SEZ6L: variants seen among roughly 807,000 people sequenced by gnomAD.
SEZ6L encodes seizure 6-like protein.
A neutral mutation model predicts 106.2 loss-of-function variants in SEZ6L; 37 were observed. That is an observed-to-expected ratio of 0.35 (90% CI 0.27 to 0.46). The LOEUF is 0.46. Among genes scored for constraint, SEZ6L ranks in the 20% least tolerant of loss-of-function variants. SEZ6L has a pLI of 1.00. For synonymous variants in SEZ6L, 541 were observed against 570.4 expected, an observed-to-expected ratio of 0.95 and a Z score of 0.73; for missense variants, 1,172 against 1,332.8, an observed-to-expected ratio of 0.88 and a Z score of 1.88.
intron 1 of SEZ6L, among the ~76,000 whole-genome samples, chr22:26,268,331 T>C (rs907722183): frequency 2.0e-5 from 3 of 152,242 alleles, no homozygotes; most frequent in African/African-American, 7.2e-5. Context: ...TTTAAAGTGA[T>C]AAGAGGCATC....
Position 26,294,545 on chromosome 22 carries a change from C to A in SEZ6L, c.969+120C>A, listed in dbSNP as rs369163044. 4.0e-5 allele frequency: 38 copies of A among 951,856 alleles called. No individual in the cohort carries two copies. The East Asian group carries it at 7.8e-4, about 19-fold the overall frequency. 59.0% of individuals were successfully genotyped at this position (951,856 alleles called of 1,614,324 possible). On this transcript the variant is annotated intron_variant, in intron 3 of 16. Transcript: ENST00000248933. ...TTGGTTCTGTCTTTGCCCAACCAGG[C>A]CAACTTTAGCTGGGTTTTGGCGAAT... is the stretch of plus-strand genomic sequence containing the variant.
intron 12 of SEZ6L, among the ~76,000 whole-genome samples, chr22:26,364,392 C>A (rs1477449583): frequency 1.4e-5 from 2 of 147,656 alleles, no homozygotes; most frequent in Non-Finnish European, 3.0e-5. Flanking sequence ...TTGAGACCAG[C>A]TTGGGATGCA....
chr22:26,191,976 CTCCATCCATCCATCCATCCA>C (rs55983247), intron 1 of SEZ6L, among the ~76,000 whole-genome samples: 11 of 150,086 alleles, frequency 7.3e-5, no homozygotes, highest in South Asian at 2.2e-4. Context: ...AAGCAAGTCA[CTCCATCCATCCATCCATCCA>C]TCCATCCATC....
chr22:26,208,901 T>TGA (rs1941453986), intron 1 of SEZ6L, among the ~76,000 whole-genome samples: 2 of 130,388 alleles, frequency 1.5e-5, no homozygotes, highest in Non-Finnish European at 3.3e-5. Context: ...TGTGTGTGTG[T>TGA]GTGTAATGTT....
intron 1 of SEZ6L, among the ~76,000 whole-genome samples, chr22:26,192,486 CT>C (rs1425879375): frequency 6.6e-6 from 1 of 152,170 alleles, no homozygotes; most frequent in Non-Finnish European, 1.5e-5. Context: ...CTCAGGAATT[CT>C]TGTGAAATGA....
chr22:26,373,721 C>A (rs1299978673), intron 14 of SEZ6L, among the ~76,000 whole-genome samples: 1 of 152,074 alleles, frequency 6.6e-6, no homozygotes, highest in Non-Finnish European at 1.5e-5. Flanking sequence ...ATGGTAACAG[C>A]AATGAGATAA....
intron 9 of SEZ6L, among the ~76,000 whole-genome samples, chr22:26,326,594 G>T (rs545116856): frequency 2.5e-4 from 38 of 152,282 alleles, no homozygotes; most frequent in African/African-American, 9.1e-4. Flanking sequence ...TCCTCCGAGG[G>T]GTGAAATGGC....
chr22:26,195,293 A>G (rs926469991), intron 1 of SEZ6L, among the ~76,000 whole-genome samples: 10 of 152,224 alleles, frequency 6.6e-5, no homozygotes, highest in Admixed American at 5.9e-4. Flanking sequence ...TCAGAGTATT[A>G]GGAATTATAT....
At chr22:26,372,825 A>G (rs2084084414) in intron 13 of SEZ6L, among the ~76,000 whole-genome samples, 1 of 152,236 alleles carries the variant, frequency 6.6e-6, no homozygotes, top group African/African-American at 2.4e-5. Context: ...ATCAATATAA[A>G]AGGAATAAAA....
intron 1 of SEZ6L, among the ~76,000 whole-genome samples, chr22:26,202,560 G>A (rs1941029615): frequency 6.6e-6 from 1 of 152,214 alleles, no homozygotes; most frequent in South Asian, 2.1e-4. Context: ...GTCAGGCACA[G>A]AATCCTAAGC....
At chr22:26,350,525 C>T (rs943487024) in intron 11 of SEZ6L, among the ~76,000 whole-genome samples, 10 of 152,048 alleles carry the variant, frequency 6.6e-5, no homozygotes, top group Non-Finnish European at 1.5e-4. Context: ...AGCTACCGTG[C>T]CCCACCTCTT....
intron 6 of SEZ6L, among the ~76,000 whole-genome samples, chr22:26,309,644 TC>T (rs1467442812): frequency 6.6e-6 from 1 of 152,154 alleles, no homozygotes; most frequent in African/African-American, 2.4e-5. Context: ...AGTGGCTCGA[TC>T]TCGGCTCACT....
intron 1 of SEZ6L, among the ~76,000 whole-genome samples, chr22:26,282,323 T>C (rs2080798003): frequency 1.3e-5 from 2 of 152,238 alleles, no homozygotes; most frequent in Non-Finnish European, 2.9e-5. Flanking sequence ...TGCTTTGTAT[T>C]GTGAACACTT....
In SEZ6L at chr22:26,379,821, G is replaced by A. The variant is rs180842681; in HGVS notation, c.3046-445G>A. On this transcript the variant is annotated intron_variant, in intron 16 of 16. Coordinates refer to ENST00000248933, the MANE Select transcript of SEZ6L (RefSeq NM_021115.5). ...AGTGTATCAGTGACCTAGAACTATAGTAATGCTGAGTAACAAAGATCTCTG... is the reference window on the plus strand; with the variant it reads ...AGTGTATCAGTGACCTAGAACTATAATAATGCTGAGTAACAAAGATCTCTG... 2.0e-5 allele frequency among the ~76,000 whole-genome samples: 3 copies of A among 152,384 alleles called. No individual in the cohort carries two copies. In the East Asian group the frequency reaches 5.8e-4, roughly 29 times the overall value.
intron 10 of SEZ6L, 88 bp from the exon 11 acceptor site, chr22:26,347,631 T>G (rs1403213811): frequency 8.9e-7 from 1 of 1,124,132 alleles, no homozygotes; most frequent in Non-Finnish European, 1.2e-6. Flanking sequence ...CTTTTTTTTC[T>G]CTTCGCTCAT....
rs117819959 is a variant in SEZ6L at position 26,375,824 on chromosome 22, A to T, written c.2942+135A>T. 2,001 of 633,180 alleles carry T rather than the reference A, an allele frequency of 3.2e-3. 35 individuals are homozygous for T. In the East Asian group the frequency reaches 0.041, roughly 13 times the overall value. 39.2% of individuals were successfully genotyped at this position (633,180 alleles called of 1,614,324 possible). A position where few individuals can be genotyped will look rare whatever the true frequency, so the allele number is the denominator to read the frequency against. ...TAGTGGCATTTGTGTTATTGCAGAGATGCCCAGATTCAGCCCAACTCTGTG... is the reference window on the plus strand; with the variant it reads ...TAGTGGCATTTGTGTTATTGCAGAGTTGCCCAGATTCAGCCCAACTCTGTG... On this transcript the variant is annotated intron_variant, in intron 15 of 16. Coordinates refer to ENST00000248933, the MANE Select transcript of SEZ6L (RefSeq NM_021115.5).
chr22:26,341,699 A>C (rs1468001490), intron 10 of SEZ6L, among the ~76,000 whole-genome samples: 2 of 152,054 alleles, frequency 1.3e-5, no homozygotes, highest in Non-Finnish European at 2.9e-5. Context: ...ACCCAACAGC[A>C]TCCCCTGCTA....
chr22:26,262,280 C>CTATCTATT (rs895628389), intron 1 of SEZ6L, among the ~76,000 whole-genome samples: 1 of 150,738 alleles, frequency 6.6e-6, no homozygotes, highest in Non-Finnish European at 1.5e-5. Flanking sequence ...ATCTATCTAT[C>CTATCTATT]TATCTCTTTT....
chr22:26,347,652 G>T, intron 10 of SEZ6L, 67 bp from the exon 11 acceptor site: 1 of 1,367,448 alleles, frequency 7.3e-7, no homozygotes. Context: ...CCCTCTAGCC[G>T]TCATAAAAGG....
Sources: gnomAD v4.1 joint callset for allele counts (sites outside exome capture counted in the v4.1 genomes callset) on GRCh38, gnomAD v4.1.1 for gene constraint, MANE v1.5 for transcripts, NCBI Gene and HGNC (gene_info 2026-07-23, HGNC 2026-07-21) for gene names.